LYZL2: variants seen among roughly 807,000 people sequenced by gnomAD.
LYZL2 encodes the protein lysozyme like 2.
In LYZL2, 13 loss-of-function variants were observed where a neutral mutation model predicts 17.1. The ratio of observed to expected loss-of-function variants is 0.76; its 90% CI spans 0.49 to 1.21. LYZL2 has a LOEUF of 1.21. LYZL2 is among the 50% of genes most tolerant of loss of function. The pLI, the probability that LYZL2 is intolerant of heterozygous loss-of-function variation, is 0.00. For synonymous variants in LYZL2, 63 were observed against 74.4 expected (o/e 0.85, Z 0.79); for missense variants, 166 against 189.2 (o/e 0.88, Z 0.72).
chr10:30,608,883 A>G (rs946367559), downstream of LYZL2, among the ~76,000 whole-genome samples: 5 of 152,202 alleles, frequency 3.3e-5, no homozygotes, highest in Admixed American at 2.0e-4. Flanking sequence ...TCTGTCATCC[A>G]GGCTGGAGTG....
At chr10:30,616,853 G>A (rs1314685009) in intron 3 of LYZL2, among the ~76,000 whole-genome samples, 1 of 135,900 alleles carries the variant, frequency 7.4e-6, no homozygotes, top group African/African-American at 2.8e-5. Flanking sequence ...TGCTAATAAA[G>A]TTGATAATGA....
chr10:30,618,551 A>G (rs1259512809), intron 3 of LYZL2, among the ~76,000 whole-genome samples: 1 of 152,246 alleles, frequency 6.6e-6, no homozygotes, highest in East Asian at 1.9e-4. Flanking sequence ...TCTTTGACAA[A>G]CCTGACAAAA....
rs56851233 is a variant in LYZL2, at chr10:30,629,088, C to T, written c.-26+505G>A. Among the ~76,000 whole-genome samples the T allele has an allele frequency of 5.1e-3, 784 of 152,242 alleles. 5 individuals are homozygous for T. Among genetic ancestry groups the T allele is most frequent in the African/African-American group, 0.017 (719 of 41,526 alleles). ...TGCTAAGCTGTGAGGGACAGACAAACGAGGTTTAAGATGCAGAGCTTAGGC... is the reference window on the plus strand; with the variant it reads ...TGCTAAGCTGTGAGGGACAGACAAATGAGGTTTAAGATGCAGAGCTTAGGC... On this transcript the variant is annotated intron_variant, in intron 1 of 4. Coordinates refer to ENST00000647634, the MANE Select transcript of LYZL2 (RefSeq NM_183058.3).
intron 3 of LYZL2, among the ~76,000 whole-genome samples, chr10:30,614,066 A>T (rs183855920): frequency 2.6e-5 from 4 of 152,328 alleles, no homozygotes; most frequent in African/African-American, 7.2e-5. Context: ...GAAATGTATT[A>T]GTTGATATCC....
chr10:30,623,078 T>A lies in LYZL2; in HGVS notation c.298+3027A>T, dbSNP rs527717781. 1.1e-4 allele frequency among the ~76,000 whole-genome samples: 16 copies of A among 152,266 alleles called. No homozygotes were observed. In the East Asian group the frequency reaches 2.9e-3, roughly 28 times the overall value. On this transcript the variant is annotated intron_variant, in intron 3 of 4. Transcript: ENST00000647634. ...TAAGGAGAAACTTGGACTCCAGTGA[T>A]AAAAGAGTCAATTCACCACAAGGAC...
chr10:30,626,150 G>A lies in LYZL2; in HGVS notation c.253C>T (p.Arg85Cys), dbSNP rs575878697. The A allele has an allele frequency of 7.0e-4, 1,133 of 1,614,228 alleles. 13 individuals are homozygous for A. The South Asian group carries it at 0.012, about 16-fold the overall frequency. ...FQINSFAWCR[R>C]GKLKENNHCH... ...TGGTTGTTCTCCTTCAGCTTTCCGC[G>A]TCTGCACCACGCGAAGCTGTTGATC... is the stretch of plus-strand genomic sequence containing the variant. Residue 85 changes from arginine (R) to cysteine (C), a missense_variant, in exon 3 of 5, where the codon CGC (arginine) becomes TGC (cysteine). Arg to Cys is a radical substitution (Grantham distance 180). Coordinates refer to ENST00000647634, the MANE Select transcript of LYZL2 (RefSeq NM_183058.3).
chr10:30,621,386 C>T (rs1233337297), intron 3 of LYZL2, among the ~76,000 whole-genome samples: 2 of 151,574 alleles, frequency 1.3e-5, no homozygotes, highest in African/African-American at 4.8e-5. Flanking sequence ...TTGAGACCAG[C>T]GTGGGTAACA....
At position 30,620,885 on chromosome 10, in the gene LYZL2, G is replaced by A. The variant is rs1359828916; in HGVS notation, c.298+5220C>T. ...AGCATTAAAAAAAAAAGTAACAGCCGACTTGAAGACATAATAATGGAAACT... is the reference window on the plus strand; with the variant it reads ...AGCATTAAAAAAAAAAGTAACAGCCAACTTGAAGACATAATAATGGAAACT... On this transcript the variant is annotated intron_variant, in intron 3 of 4. Transcript: ENST00000647634. 4.6e-5 allele frequency among the ~76,000 whole-genome samples: 7 copies of A among 151,220 alleles called. No homozygotes were observed. The East Asian group carries it at 9.8e-4, about 21-fold the overall frequency.
At chr10:30,612,971 T>G in intron 3 of LYZL2, 71 bp from the exon 4 acceptor site, 1 of 1,191,606 alleles carries the variant, frequency 8.4e-7, no homozygotes, top group Non-Finnish European at 1.2e-6. Flanking sequence ...TCAAGTTTAC[T>G]TCATTTTTCT....
chr10:30,622,311 C>A (rs893662380), intron 3 of LYZL2, among the ~76,000 whole-genome samples: 1 of 152,072 alleles, frequency 6.6e-6, no homozygotes, highest in East Asian at 1.9e-4. Flanking sequence ...CTTTGGGAGG[C>A]CAAGGTAGGC....
chr10:30,629,213 G>T (rs1838767418), intron 1 of LYZL2, among the ~76,000 whole-genome samples: 1 of 151,986 alleles, frequency 6.6e-6, no homozygotes. Context: ...GGCAACAAAG[G>T]TAGACCTCTG....
intron 3 of LYZL2, among the ~76,000 whole-genome samples, chr10:30,624,458 C>T (rs1471788915): frequency 6.6e-6 from 1 of 152,214 alleles, no homozygotes; most frequent in Non-Finnish European, 1.5e-5. Context: ...TCTTTCCATT[C>T]CTCTTTGGGC....
chr10:30,620,846 A>G (rs1404032193), intron 3 of LYZL2, among the ~76,000 whole-genome samples: 1 of 151,296 alleles, frequency 6.6e-6, no homozygotes, highest in Non-Finnish European at 1.5e-5. Flanking sequence ...TCCAATCAAT[A>G]AGTTTAACAG....
chr10:30,622,298 G>A (rs2132946119), intron 3 of LYZL2, among the ~76,000 whole-genome samples: 1 of 152,270 alleles, frequency 6.6e-6, no homozygotes, highest in Non-Finnish European at 1.5e-5. Flanking sequence ...TGTAATCCCA[G>A]CACTTTGGGA....
intron 1 of LYZL2, 81 bp downstream of exon 1, chr10:30,629,512 A>G: frequency 7.0e-7 from 1 of 1,432,420 alleles, no homozygotes. Flanking sequence ...AACCCCAAGC[A>G]TCATGTTCTA....
chr10:30,627,157 C>T (rs1303825483), intron 1 of LYZL2, among the ~76,000 whole-genome samples: 2 of 152,172 alleles, frequency 1.3e-5, no homozygotes, highest in Non-Finnish European at 2.9e-5. Context: ...CAAGTCAATG[C>T]TGTGTTCTCA....
chr10:30,624,916 G>A (rs1392657556), intron 3 of LYZL2, among the ~76,000 whole-genome samples: 1 of 152,140 alleles, frequency 6.6e-6, no homozygotes, highest in Non-Finnish European at 1.5e-5. Flanking sequence ...AGTGTGAAAG[G>A]GACTCGACCC....
intron 3 of LYZL2, among the ~76,000 whole-genome samples, chr10:30,614,306 G>A (rs905463472): frequency 1.4e-4 from 21 of 152,210 alleles, no homozygotes; most frequent in Non-Finnish European, 2.1e-4. Flanking sequence ...CATTTGTGAC[G>A]CAGACCCAGC....
At chr10:30,606,365 T>G in the LYZL2 span, among the ~76,000 whole-genome samples, 1 of 151,126 alleles carries the variant, frequency 6.6e-6, no homozygotes, top group East Asian at 1.9e-4. Flanking sequence ...TTTTTTTTTT[T>G]TTTTTAGAGA....
Sources: allele counts gnomAD v4.1 joint callset (sites outside exome capture counted in the v4.1 genomes callset), GRCh38; gene constraint gnomAD v4.1.1; transcripts MANE v1.5; gene names NCBI Gene and HGNC (gene_info 2026-07-23, HGNC 2026-07-21).